QDPR: variants seen among roughly 807,000 people sequenced by gnomAD.
The protein encoded by QDPR is dihydropteridine reductase.
In QDPR, 23 loss-of-function variants were observed where a neutral mutation model predicts 31.7. The ratio of observed to expected loss-of-function variants is 0.73; its 90% CI spans 0.52 to 1.03. QDPR has a LOEUF of 1.03. QDPR is among the 50% of genes least tolerant of loss of function. The pLI is 0.00. For synonymous variants in QDPR, 124 were observed against 124.7 expected, an observed-to-expected ratio of 0.99 and a Z score of 0.03; for missense variants, 324 against 323.8, an observed-to-expected ratio of 1.00 and a Z score of 0.00.
chr4:17,495,465 G>T (rs911027157), intron 4 of QDPR, among the ~76,000 whole-genome samples: 4 of 152,202 alleles, frequency 2.6e-5, no homozygotes, highest in African/African-American at 9.6e-5. Context: ...TCGAGGCCAG[G>T]GGTTGGAACC....
At position 17,490,646 on chromosome 4, in the gene QDPR, T is replaced by C. The variant is rs111487695; in HGVS notation, c.629+16A>G. The C allele has an allele frequency of 6.3e-7, 1 of 1,598,432 alleles. No homozygotes were observed. Among genetic ancestry groups the C allele is most frequent in the Admixed American group, 1.7e-5 (1 of 59,968 alleles). Reference sequence around the variant, plus strand: ...GCTGGAAGCTGCTCAGTCATGGACATGTCTGTAATACTCACTCAACTAGGA... The same window carrying C: ...GCTGGAAGCTGCTCAGTCATGGACACGTCTGTAATACTCACTCAACTAGGA... On this transcript the variant is annotated intron_variant, in intron 6 of 6. Coordinates refer to ENST00000281243, the MANE Select transcript of QDPR (RefSeq NM_000320.3).
chr4:17,490,177 A>G, intron 6 of QDPR: 1 of 192,612 alleles, frequency 5.2e-6, no homozygotes, highest in Non-Finnish European at 1.1e-5. Flanking sequence ...GTGGCTTGAC[A>G]CAGATTCAGA....
In QDPR at chr4:17,486,987, A is replaced by C; in HGVS notation, c.*144T>G. The C allele has an allele frequency of 1.4e-6, 1 of 724,126 alleles. No homozygotes were observed. The highest frequency in any genetic ancestry group is 2.0e-5 in the Admixed American group (1 of 48,964). The allele number at this position is 724,126 out of a possible 1,614,324, so 44.9% of individuals were successfully genotyped here. A position where few individuals can be genotyped will look rare whatever the true frequency, so the allele number is the denominator to read the frequency against. Reference sequence around the variant, plus strand: ...ATGTATTACACTGTCCTAGGAGAGCAAATGCATATTATGTGAGAGAAAAAT... The same window carrying C: ...ATGTATTACACTGTCCTAGGAGAGCCAATGCATATTATGTGAGAGAAAAAT... On this transcript the variant is annotated 3_prime_UTR_variant, in exon 7 of 7. Coordinates refer to ENST00000281243, the MANE Select transcript of QDPR (RefSeq NM_000320.3).
At chr4:17,487,301 TCA>T in intron 6 of QDPR, 65 bp from the exon 7 acceptor site, 1 of 1,186,878 alleles carries the variant, frequency 8.4e-7, no homozygotes, top group Non-Finnish European at 1.2e-6. Flanking sequence ...ATGCTGACCT[TCA>T]CAGTGACGGC....
chr4:17,508,059 C>T (rs1417377569), intron 2 of QDPR, among the ~76,000 whole-genome samples: 1 of 152,180 alleles, frequency 6.6e-6, no homozygotes, highest in East Asian at 1.9e-4. Context: ...ATATGCATAT[C>T]ATTTTATAAT....
intron 1 of QDPR, among the ~76,000 whole-genome samples, chr4:17,511,086 A>T (rs1254208448): frequency 6.6e-6 from 1 of 151,832 alleles, no homozygotes; most frequent in Non-Finnish European, 1.5e-5. Context: ...GTTTTTTTTT[A>T]AAGAAAATCC....
At chr4:17,490,536 C>A in intron 6 of QDPR, 126 bp downstream of exon 6, 1 of 744,666 alleles carries the variant, frequency 1.3e-6, no homozygotes, top group Admixed American at 2.0e-5. Flanking sequence ...TCCTCAGAGT[C>A]CCAGAGACCT....
rs376169619 is a variant in QDPR at position 17,501,752 on chromosome 4, C to T, written c.403G>A (p.Ala135Thr). ...CCATCCAGGGCAGCCTTTGCGCCAG[C>T]CAAGGTCAGGAGGCCTCCTTCCTTG... ...HLKEGGLLTL[A>T]GAKAALDGTP... is the part of the protein sequence containing the mutation. The change falls in exon 4 of 7, where the codon GCT (alanine) becomes ACT (threonine). Residue 135 changes from alanine to threonine, a missense_variant. Physicochemically the swap from Ala to Thr is moderately conservative, Grantham distance 58. Coordinates refer to ENST00000281243, the MANE Select transcript of QDPR (RefSeq NM_000320.3). The T allele has an allele frequency of 1.2e-6, 2 of 1,614,036 alleles. No individual in the cohort carries two copies. The highest frequency in any genetic ancestry group is 2.7e-5 in the African/African-American group (2 of 74,926).
chr4:17,497,543 TTGC>T (rs1718411038), intron 4 of QDPR, among the ~76,000 whole-genome samples: 1 of 151,928 alleles, frequency 6.6e-6, no homozygotes, highest in Non-Finnish European at 1.5e-5. Context: ...TTATCAGTAA[TTGC>T]TATAATTACT....
intron 1 of QDPR, among the ~76,000 whole-genome samples, chr4:17,511,026 C>G (rs1364329894): frequency 6.6e-6 from 1 of 152,186 alleles, no homozygotes; most frequent in Admixed American, 6.5e-5. Context: ...CACAACATAT[C>G]CATGTAACTA....
intron 2 of QDPR, among the ~76,000 whole-genome samples, chr4:17,507,106 C>CA (rs1718813323): frequency 6.6e-6 from 1 of 152,160 alleles, no homozygotes; most frequent in African/African-American, 2.4e-5. Flanking sequence ...AGATAAGGAT[C>CA]ATAAAACATC....
At chr4:17,499,934 G>C (rs1209324217) in intron 4 of QDPR, among the ~76,000 whole-genome samples, 10 of 151,790 alleles carry the variant, frequency 6.6e-5, no homozygotes, top group African/African-American at 2.4e-4. Context: ...ACTGAGAAGG[G>C]TCCCAAGGTC....
chr4:17,490,369 AG>A, intron 6 of QDPR: 1 of 399,910 alleles, frequency 2.5e-6, no homozygotes, highest in Non-Finnish European at 4.8e-6. Flanking sequence ...CTCATGATAC[AG>A]GTGGGGAAAC....
Position 17,502,311 on chromosome 4 carries a change from T to C in QDPR, c.296-452A>G, listed in dbSNP as rs541864403. Among the ~76,000 whole-genome samples the C allele has an allele frequency of 5.3e-5, 8 of 152,360 alleles. No individual in the cohort carries two copies. In the East Asian group the frequency reaches 1.3e-3, roughly 26 times the overall value. ...TATTTTATGTCTGAAAGTTTAATGT[T>C]AGCTTTAAAGACTCTTCAAAAGAAA... On this transcript the variant is annotated intron_variant, in intron 3 of 6. Coordinates refer to ENST00000281243, the MANE Select transcript of QDPR (RefSeq NM_000320.3).
At chr4:17,491,471 G>A (rs2108987175) in intron 5 of QDPR, among the ~76,000 whole-genome samples, 1 of 152,300 alleles carries the variant, frequency 6.6e-6, no homozygotes, top group Non-Finnish European at 1.5e-5. Context: ...AGCTGCCTCT[G>A]CCTGGGACAG....
In QDPR at chr4:17,487,020, A is replaced by G. The variant is rs1717982039; in HGVS notation, c.*111T>C. ...ATTATGTGAGAGAAAAATAGGACTC[A>G]TTATCTCGTACCACAAACAGGGGTT... On this transcript the variant is annotated 3_prime_UTR_variant, in exon 7 of 7. Coordinates refer to ENST00000281243, the MANE Select transcript of QDPR (RefSeq NM_000320.3). 1.2e-6 allele frequency: 1 copy of G among 838,192 alleles called. No individual in the cohort carries two copies. The highest frequency in any genetic ancestry group is 1.4e-5 in the South Asian group (1 of 71,998). 51.9% of individuals were successfully genotyped at this position (838,192 alleles called of 1,614,324 possible). A position where few individuals can be genotyped will look rare whatever the true frequency, so the allele number is the denominator to read the frequency against.
chr4:17,503,990 G>A (rs1718661809), intron 3 of QDPR, among the ~76,000 whole-genome samples: 2 of 151,908 alleles, frequency 1.3e-5, no homozygotes, highest in African/African-American at 4.8e-5. Flanking sequence ...GGAGGGAAGG[G>A]AAGGGAAAAG....
intron 3 of QDPR, among the ~76,000 whole-genome samples, chr4:17,503,172 G>C (rs541974653): frequency 6.6e-6 from 1 of 152,320 alleles, no homozygotes; most frequent in Admixed American, 6.5e-5. Context: ...CAGAATGTGA[G>C]ACATGCTATA....
chr4:17,490,005 C>T (rs919877495), intron 6 of QDPR: 3 of 158,302 alleles, frequency 1.9e-5, no homozygotes, highest in Non-Finnish European at 4.2e-5. Flanking sequence ...AGTGGGTGCT[C>T]GATGAACACA....
Sources: allele counts gnomAD v4.1 joint callset (sites outside exome capture counted in the v4.1 genomes callset), GRCh38; gene constraint gnomAD v4.1.1; transcripts MANE v1.5; gene names NCBI Gene and HGNC (gene_info 2026-07-23, HGNC 2026-07-21).